The following GRID2 variants were observed in gnomAD, a reference collection of about 807,000 sequenced individuals.
GRID2 encodes the protein glutamate receptor ionotropic, delta-2.
Under a neutral mutation model 114.8 loss-of-function variants are expected in GRID2, and 33 were observed. That is an observed-to-expected ratio of 0.29 (90% confidence interval 0.22 to 0.38). The LOEUF (loss-of-function observed/expected upper bound fraction) is 0.38. Ranked by LOEUF, GRID2 falls within the 10% of genes least tolerant of loss-of-function variation. The probability of loss-of-function intolerance (pLI) is 1.00; values close to 1 mark genes in which losing one functional copy is unlikely to be tolerated. For missense variants in GRID2, 1,184 were observed against 1,257.7 expected, an observed-to-expected ratio of 0.94 and a Z score of 0.89; for synonymous variants, 505 against 449.9, an observed-to-expected ratio of 1.12 and a Z score of -1.55.
At chr4:92,928,219 A>G (rs1160904377) in intron 2 of GRID2, among the ~76,000 whole-genome samples, 1 of 151,706 alleles carries the variant, frequency 6.6e-6, no homozygotes, top group Admixed American at 6.6e-5. Context: ...ACAGCTGTTT[A>G]GACCAATTGC....
intron 8 of GRID2, among the ~76,000 whole-genome samples, chr4:93,329,974 A>G (rs1186701512): frequency 6.6e-6 from 1 of 152,052 alleles, no homozygotes; most frequent in Non-Finnish European, 1.5e-5. Context: ...TTACATCTCC[A>G]GGGCAATTTA....
chr4:92,855,297 T>C (rs1323225915), intron 2 of GRID2, among the ~76,000 whole-genome samples: 1 of 152,032 alleles, frequency 6.6e-6, no homozygotes, highest in Non-Finnish European at 1.5e-5. Context: ...GAAACCACAG[T>C]ATAAAGGAGA....
At position 92,600,032 on chromosome 4, in the gene GRID2, G is replaced by GTATATATAAATATA. The variant is rs1729133003; in HGVS notation, c.244+9747_244+9748insATATATAAATATAT. On this transcript the variant is annotated intron_variant, in intron 2 of 15. Coordinates refer to ENST00000282020, the MANE Select transcript of GRID2 (RefSeq NM_001510.4). Reference sequence around the variant, plus strand: ...AGGGCAATACTTCATGTATGTGTGTGTGTGTGTGTGTGTATATATATATAT... The same window carrying GTATATATAAATATA: ...AGGGCAATACTTCATGTATGTGTGTGTATATATAAATATATGTGTGTGTGTGTATATATATATAT... 1.2e-4 allele frequency among the ~76,000 whole-genome samples: 9 copies of GTATATATAAATATA among 73,008 alleles called. 1 individual carries two copies. The highest frequency in any genetic ancestry group is 5.0e-4 in the South Asian group (1 of 2,018). The allele number at this position is 73,008 out of a possible 152,430, so 47.9% of individuals were successfully genotyped here.
At chr4:93,005,981 T>C (rs1721476981) in intron 2 of GRID2, among the ~76,000 whole-genome samples, 1 of 152,074 alleles carries the variant, frequency 6.6e-6, no homozygotes, top group Non-Finnish European at 1.5e-5. Flanking sequence ...ACTTAGTTTA[T>C]TTATGATTGC....
intron 4 of GRID2, among the ~76,000 whole-genome samples, chr4:93,206,207 A>G (rs543285068): frequency 6.6e-6 from 1 of 152,266 alleles, no homozygotes; most frequent in East Asian, 1.9e-4. Flanking sequence ...ATGGAATAGT[A>G]TGAAACTTGT....
chr4:93,050,509 GGTGTGTGTGTGTGTGTGTGTGTGTGT>G (rs70942946), intron 2 of GRID2, among the ~76,000 whole-genome samples: 1 of 144,034 alleles, frequency 6.9e-6, no homozygotes, highest in African/African-American at 2.6e-5. Context: ...AATAATACCT[GGTGTGTGTGTGTGTGTGTGTGTGTGT>G]GTGTGTGTGT....
chr4:92,683,412 A>G (rs142927543), intron 2 of GRID2, among the ~76,000 whole-genome samples: 1,656 of 152,290 alleles, frequency 0.011, 31 homozygotes, highest in African/African-American at 0.036. Context: ...GAAGTGCACA[A>G]TCTGAAACCA....
chr4:92,752,836 C>T (rs760992031), intron 2 of GRID2, among the ~76,000 whole-genome samples: 2 of 152,060 alleles, frequency 1.3e-5, no homozygotes, highest in Non-Finnish European at 2.9e-5. Context: ...TGTGTGTGTA[C>T]ATATATTGTT....
intron 8 of GRID2, chr4:93,319,476 C>T (rs1417426394): frequency 1.3e-5 from 2 of 151,932 alleles, no homozygotes; most frequent in African/African-American, 4.8e-5. Flanking sequence ...ATGACACTCA[C>T]CTTTGTTTTT....
chr4:92,879,233 G>A (rs1046593896), intron 2 of GRID2, among the ~76,000 whole-genome samples: 1 of 152,136 alleles, frequency 6.6e-6, no homozygotes, highest in Non-Finnish European at 1.5e-5. Context: ...AGGTATGAGG[G>A]TATTGATACT....
intron 2 of GRID2, among the ~76,000 whole-genome samples, chr4:92,844,710 A>G (rs1191503610): frequency 6.7e-6 from 1 of 149,698 alleles, no homozygotes; most frequent in East Asian, 1.9e-4. Flanking sequence ...TGTCTCAAAA[A>G]AAAAAAAAAA....
chr4:93,041,558 T>C (rs989648197), intron 2 of GRID2, among the ~76,000 whole-genome samples: 9 of 152,200 alleles, frequency 5.9e-5, no homozygotes, highest in African/African-American at 1.9e-4. Context: ...GTTAAACTTA[T>C]ATGAGGGGAG....
chr4:93,678,359 T>C (rs558948015), intron 14 of GRID2, among the ~76,000 whole-genome samples: 1 of 152,292 alleles, frequency 6.6e-6, no homozygotes, highest in Admixed American at 6.5e-5. Context: ...CTCTGCAGGA[T>C]ATTATCCAGG....
At chr4:92,681,155 A>G (rs1227897828) in intron 2 of GRID2, among the ~76,000 whole-genome samples, 1 of 152,206 alleles carries the variant, frequency 6.6e-6, no homozygotes, top group Non-Finnish European at 1.5e-5. Flanking sequence ...TACAAAAGCT[A>G]CATATTCTAT....
In GRID2 at chr4:93,566,626, C is replaced by G. The variant is rs559737244; in HGVS notation, c.2193+51215C>G. On this transcript the variant is annotated intron_variant, in intron 13 of 15. Transcript: ENST00000282020. The stretch of plus-strand genomic sequence containing the variant: ...CTCTACTAAAAATTCAAAAATTAGC[C>G]GGGCATAGTGGTGCGCAGCTATAAT... 4.0e-5 allele frequency among the ~76,000 whole-genome samples: 6 copies of G among 151,794 alleles called. No homozygotes were observed. The East Asian group carries it at 7.8e-4, about 20-fold the overall frequency.
At chr4:92,361,028 T>G (rs1299019145) in intron 1 of GRID2, among the ~76,000 whole-genome samples, 2 of 152,032 alleles carry the variant, frequency 1.3e-5, no homozygotes, top group African/African-American at 4.8e-5. Flanking sequence ...AACTGAGTTT[T>G]GTAATTATTT....
At chr4:93,329,626 G>A (rs777539407) in intron 8 of GRID2, among the ~76,000 whole-genome samples, 2 of 152,078 alleles carry the variant, frequency 1.3e-5, no homozygotes, top group Non-Finnish European at 2.9e-5. Context: ...TGGCAAATTT[G>A]TGAATAAGTC....
At chr4:93,146,636 A>G (rs1349532691) in intron 4 of GRID2, among the ~76,000 whole-genome samples, 1 of 152,110 alleles carries the variant, frequency 6.6e-6, no homozygotes, top group Non-Finnish European at 1.5e-5. Context: ...AGAGAAAGAA[A>G]GAAGGAAAGA....
At chr4:93,069,692 GTTT>G (rs1357825354) in intron 2 of GRID2, among the ~76,000 whole-genome samples, 2 of 152,058 alleles carry the variant, frequency 1.3e-5, no homozygotes, top group Non-Finnish European at 2.9e-5. Context: ...ATGTCGTTAT[GTTT>G]TCTCCTGAGA....
Sources: allele counts gnomAD v4.1 joint callset (sites outside exome capture counted in the v4.1 genomes callset), GRCh38; gene constraint gnomAD v4.1.1; transcripts MANE v1.5; gene names NCBI Gene and HGNC (gene_info 2026-07-23, HGNC 2026-07-21).